CNTN3: variants seen among roughly 807,000 people sequenced by gnomAD.
CNTN3 encodes contactin-3.
CNTN3 carries 60 observed loss-of-function variants against 119.1 expected under a neutral mutation model. That is an observed-to-expected ratio of 0.50 (90% confidence interval 0.41 to 0.62). The LOEUF is 0.62. CNTN3 is among the 20% of genes least tolerant of loss of function. The pLI, the probability that CNTN3 is intolerant of heterozygous loss-of-function variation, is 0.00. For missense variants in CNTN3, 1,101 were observed against 1,242.4 expected (o/e 0.89, Z 1.71); for synonymous variants, 450 against 438.7 (o/e 1.03, Z -0.32).
intron 11 of CNTN3, among the ~76,000 whole-genome samples, chr3:74,361,329 C>T (rs1181268456): frequency 6.6e-6 from 1 of 152,108 alleles, no homozygotes; most frequent in Non-Finnish European, 1.5e-5. Flanking sequence ...TAGGTCACAG[C>T]ACTGAGCAAG....
Position 74,476,581 on chromosome 3 carries a change from C to T in CNTN3, c.358+9875G>A, listed in dbSNP as rs143858997. 3.1e-4 allele frequency among the ~76,000 whole-genome samples: 47 copies of T among 152,148 alleles called. 1 individual carries two copies. In the East Asian group the frequency reaches 6.0e-3, roughly 19 times the overall value. Reference sequence around the variant, plus strand: ...AACAAGAGTCAGCAGATCAACAAATCGCAGGTTAGCATTTGCAATATTCTG... The same window carrying T: ...AACAAGAGTCAGCAGATCAACAAATTGCAGGTTAGCATTTGCAATATTCTG... On this transcript the variant is annotated intron_variant, in intron 4 of 22. Coordinates refer to ENST00000263665, the MANE Select transcript of CNTN3 (RefSeq NM_020872.3).
intron 4 of CNTN3, among the ~76,000 whole-genome samples, chr3:74,484,334 AACTG>A (rs1431442811): frequency 6.6e-6 from 1 of 152,142 alleles, no homozygotes; most frequent in Admixed American, 6.6e-5. Context: ...CATTTCAGAA[AACTG>A]ACTGTATCTT....
chr3:74,427,467 G>A (rs1480968459), intron 4 of CNTN3, among the ~76,000 whole-genome samples: 1 of 152,078 alleles, frequency 6.6e-6, no homozygotes, highest in African/African-American at 2.4e-5. Flanking sequence ...TGCAACACTA[G>A]GAACTATGAG....
At chr3:74,440,021 A>T (rs909077736) in intron 4 of CNTN3, among the ~76,000 whole-genome samples, 1 of 152,230 alleles carries the variant, frequency 6.6e-6, no homozygotes, top group African/African-American at 2.4e-5. Flanking sequence ...GGCAATGATA[A>T]ATGAGACAAA....
chr3:74,342,974 TTC>T (rs952720137), intron 11 of CNTN3, among the ~76,000 whole-genome samples: 1 of 152,140 alleles, frequency 6.6e-6, no homozygotes, highest in Non-Finnish European at 1.5e-5. Flanking sequence ...AGACAAATAA[TTC>T]TCTGATGTCT....
At chr3:74,432,208 G>A (rs895786000) in intron 4 of CNTN3, among the ~76,000 whole-genome samples, 9 of 152,080 alleles carry the variant, frequency 5.9e-5, no homozygotes, top group African/African-American at 2.2e-4. Context: ...AAGCTAAGAA[G>A]AAACCCAATG....
At chr3:74,398,740 TAGCC>T (rs1026748040) in intron 5 of CNTN3, among the ~76,000 whole-genome samples, 3 of 152,226 alleles carry the variant, frequency 2.0e-5, no homozygotes, top group Non-Finnish European at 4.4e-5. Flanking sequence ...GTCATACTAT[TAGCC>T]AGGCCTTAAA....
chr3:74,426,014 C>A (rs1204220934), intron 4 of CNTN3, among the ~76,000 whole-genome samples: 1 of 152,042 alleles, frequency 6.6e-6, no homozygotes, highest in Non-Finnish European at 1.5e-5. Flanking sequence ...CAATCAAGTG[C>A]AAATACTATT....
At chr3:74,264,617 C>T (rs1701633952) in intron 22 of CNTN3, 116 bp from the exon 23 acceptor site, 1 of 587,668 alleles carries the variant, frequency 1.7e-6, no homozygotes, top group Middle Eastern at 2.7e-4. Context: ...TCCTAACCCT[C>T]AATGTCAGAG....
At chr3:74,375,531 T>C (rs1476008305) in intron 5 of CNTN3, among the ~76,000 whole-genome samples, 1 of 152,144 alleles carries the variant, frequency 6.6e-6, no homozygotes, top group African/African-American at 2.4e-5. Flanking sequence ...GGGAACAATC[T>C]TGGGTTCCAG....
chr3:74,463,133 G>A (rs1483688604), intron 4 of CNTN3, among the ~76,000 whole-genome samples: 5 of 152,068 alleles, frequency 3.3e-5, no homozygotes, highest in Admixed American at 6.6e-5. Context: ...TAATCTAATC[G>A]TTGGTTCAAT....
chr3:74,612,233 A>G (rs1705094940), intron 1 of CNTN3, among the ~76,000 whole-genome samples: 1 of 152,178 alleles, frequency 6.6e-6, no homozygotes, highest in Admixed American at 6.5e-5. Context: ...AGCAGAGAAA[A>G]GAGGCTATTA....
At chr3:74,295,008 A>T in intron 19 of CNTN3, 113 bp downstream of exon 19, 1 of 575,986 alleles carries the variant, frequency 1.7e-6, no homozygotes, top group Non-Finnish European at 3.0e-6. Flanking sequence ...TTGATAAAAA[A>T]ATTTCGGCCA....
At chr3:74,592,420 T>A (rs1704718310) in intron 1 of CNTN3, among the ~76,000 whole-genome samples, 1 of 151,382 alleles carries the variant, frequency 6.6e-6, no homozygotes, top group Non-Finnish European at 1.5e-5. Context: ...CAAGAATTGT[T>A]AAAAAAAATA....
chr3:74,321,520 A>G (rs145790970), intron 13 of CNTN3, among the ~76,000 whole-genome samples: 26 of 152,202 alleles, frequency 1.7e-4, no homozygotes, highest in African/African-American at 6.3e-4. Flanking sequence ...AATAGAGCAA[A>G]TCAGATCCAA....
intron 4 of CNTN3, among the ~76,000 whole-genome samples, chr3:74,450,816 T>C (rs548425499): frequency 9.2e-5 from 14 of 152,056 alleles, no homozygotes; most frequent in African/African-American, 3.1e-4. Context: ...CCCAATTTCA[T>C]CCATGTCCCT....
chr3:74,473,849 G>A (rs1021073987), intron 4 of CNTN3, among the ~76,000 whole-genome samples: 2 of 152,180 alleles, frequency 1.3e-5, no homozygotes, highest in Admixed American at 1.3e-4. Context: ...GGCAAGATAA[G>A]TGTGAGAGAA....
At chr3:74,451,422 T>C (rs987231462) in intron 4 of CNTN3, among the ~76,000 whole-genome samples, 1 of 152,184 alleles carries the variant, frequency 6.6e-6, no homozygotes, top group African/African-American at 2.4e-5. Flanking sequence ...TAGCCCTTTG[T>C]CAGATGAGTA....
chr3:74,371,474 T>A (rs1015404596), intron 5 of CNTN3, 75 bp from the exon 6 acceptor site: 1 of 1,085,020 alleles, frequency 9.2e-7, no homozygotes, highest in Admixed American at 1.8e-5. Context: ...AATGTATCTA[T>A]ACAAACATCA....
Sources: allele counts gnomAD v4.1 joint callset (sites outside exome capture counted in the v4.1 genomes callset), GRCh38; gene constraint gnomAD v4.1.1; transcripts MANE v1.5; gene names NCBI Gene and HGNC (gene_info 2026-07-23, HGNC 2026-07-21).